The following ADAMTS17 variants were observed in gnomAD, a reference collection of about 807,000 sequenced individuals.
ADAMTS17 encodes ADAM metallopeptidase with thrombospondin type 1 motif 17.
In ADAMTS17, 113 loss-of-function variants were observed where a neutral mutation model predicts 141.5. The observed-to-expected ratio is 0.80, with a 90% confidence interval of 0.69 to 0.93. The LOEUF (loss-of-function observed/expected upper bound fraction) is 0.93. Ranked by LOEUF, ADAMTS17 falls within the 40% of genes least tolerant of loss-of-function variation. The pLI is 0.00. For synonymous variants in ADAMTS17, 768 were observed against 630.6 expected, an observed-to-expected ratio of 1.22 and a Z score of -3.27; for missense variants, 1,659 against 1,517.9, an observed-to-expected ratio of 1.09 and a Z score of -1.54.
chr15:100,190,641 G>A (rs1163702649), intron 8 of ADAMTS17, among the ~76,000 whole-genome samples: 1 of 152,230 alleles, frequency 6.6e-6, no homozygotes, highest in Non-Finnish European at 1.5e-5. Context: ...CAGGTACTTG[G>A]TTTCAAGTTG....
chr15:100,335,156 G>A (rs1220103602), intron 2 of ADAMTS17, among the ~76,000 whole-genome samples: 2 of 152,106 alleles, frequency 1.3e-5, no homozygotes, highest in Admixed American at 6.5e-5. Flanking sequence ...CCTGGATGGG[G>A]CCCAGCAGTC....
At chr15:100,031,759 C>A (rs2030190528) in intron 18 of ADAMTS17, among the ~76,000 whole-genome samples, 1 of 152,248 alleles carries the variant, frequency 6.6e-6, no homozygotes, top group African/African-American at 2.4e-5. Context: ...AAATGACTTA[C>A]TAAGACCTAC....
At chr15:100,001,076 G>A (rs1008068442) in intron 18 of ADAMTS17, among the ~76,000 whole-genome samples, 1 of 152,152 alleles carries the variant, frequency 6.6e-6, no homozygotes, top group African/African-American at 2.4e-5. Context: ...GCTCTTGGAT[G>A]GAGATATGGA....
intron 20 of ADAMTS17, chr15:99,979,625 T>C (rs1273927214): frequency 6.6e-6 from 1 of 152,176 alleles, no homozygotes; most frequent in Non-Finnish European, 1.5e-5. Context: ...TGAAGTCAGA[T>C]ACAACCACGT....
At chr15:100,038,802 T>G (rs2141525656) in intron 18 of ADAMTS17, among the ~76,000 whole-genome samples, 1 of 152,374 alleles carries the variant, frequency 6.6e-6, no homozygotes, top group South Asian at 2.1e-4. Flanking sequence ...TGGATGCATT[T>G]TATTTCATTT....
chr15:100,183,494 GATTT>G (rs772229627), intron 8 of ADAMTS17, among the ~76,000 whole-genome samples: 12 of 152,042 alleles, frequency 7.9e-5, no homozygotes, highest in Admixed American at 2.0e-4. Context: ...AATTTTCATT[GATTT>G]ATTTCTGTAA....
At chr15:100,077,886 A>C (rs980001139) in intron 15 of ADAMTS17, among the ~76,000 whole-genome samples, 1 of 152,236 alleles carries the variant, frequency 6.6e-6, no homozygotes, top group Non-Finnish European at 1.5e-5. Flanking sequence ...TAAAAAACCT[A>C]TATGACAGAT....
chr15:99,974,243 A>T lies in ADAMTS17; in HGVS notation c.*159T>A. The T allele has an allele frequency of 1.2e-6, 1 of 854,526 alleles. No individual in the cohort carries two copies. Among genetic ancestry groups the T allele is most frequent in the Admixed American group, 2.1e-5 (1 of 48,690 alleles). The allele number at this position is 854,526 out of a possible 1,614,324, so 52.9% of individuals were successfully genotyped here. A position where few individuals can be genotyped will look rare whatever the true frequency, so the allele number is the denominator to read the frequency against. ...AGTGGCTGTTAACAATATATTAAGT[A>T]CGGAAGCACTAATGGCAAACGCCAA... On this transcript the variant is annotated 3_prime_UTR_variant, in exon 22 of 22. Coordinates refer to ENST00000268070, the MANE Select transcript of ADAMTS17 (RefSeq NM_139057.4).
At chr15:100,103,196 A>G (rs1248739199) in intron 14 of ADAMTS17, among the ~76,000 whole-genome samples, 1 of 152,086 alleles carries the variant, frequency 6.6e-6, no homozygotes, top group Non-Finnish European at 1.5e-5. Flanking sequence ...GCAGGGAATG[A>G]CCTTCACGTT....
intron 12 of ADAMTS17, among the ~76,000 whole-genome samples, chr15:100,125,937 T>A (rs1039844403): frequency 1.3e-5 from 2 of 149,674 alleles, no homozygotes; most frequent in African/African-American, 4.9e-5. Flanking sequence ...GTGAAGGGGG[T>A]GAGAAGGGGG....
chr15:100,202,055 G>A (rs4525468), intron 7 of ADAMTS17, among the ~76,000 whole-genome samples: 21,934 of 152,180 alleles, frequency 0.14, 1,946 homozygotes, highest in African/African-American at 0.23. Flanking sequence ...TGCCTGGTGA[G>A]GGGGAAGGGA....
chr15:100,341,461 G>A (rs1276422211), intron 1 of ADAMTS17, 52 bp from the exon 2 acceptor site: 1 of 1,006,490 alleles, frequency 9.9e-7, no homozygotes, highest in African/African-American at 1.7e-5. Flanking sequence ...CCGGACGCCC[G>A]CCCTCCCGCT....
At chr15:100,123,921 T>C (rs112457432) in intron 12 of ADAMTS17, among the ~76,000 whole-genome samples, 12 of 152,172 alleles carry the variant, frequency 7.9e-5, no homozygotes, top group African/African-American at 2.9e-4. Flanking sequence ...GATGGGTTTT[T>C]TAATTTGAAT....
At chr15:100,010,840 G>C (rs561437690) in intron 18 of ADAMTS17, among the ~76,000 whole-genome samples, 9 of 152,336 alleles carry the variant, frequency 5.9e-5, no homozygotes, top group African/African-American at 2.2e-4. Context: ...ACAGGCACAC[G>C]TGAGGCTTCC....
intron 10 of ADAMTS17, among the ~76,000 whole-genome samples, chr15:100,149,146 A>C (rs936922722): frequency 6.6e-6 from 1 of 152,174 alleles, no homozygotes; most frequent in Non-Finnish European, 1.5e-5. Flanking sequence ...CTACAAAAGC[A>C]GGGAAGGCGC....
At position 99,973,928 on chromosome 15, in the gene ADAMTS17, G is replaced by GAGAAGCCACGGGCAGAGGC. The variant is rs1284394479; in HGVS notation, c.*455_*473dup. 2 of 238,978 alleles carry GAGAAGCCACGGGCAGAGGC rather than the reference G, an allele frequency of 8.4e-6. No homozygotes were observed. The highest frequency in any genetic ancestry group is 1.0e-4 in the Admixed American group (2 of 19,300). The allele number at this position is 238,978 out of a possible 1,614,324, so 14.8% of individuals were successfully genotyped here. ...GTGCTAAGCAGCCCGGCCCTCCCCA[G>GAGAAGCCACGGGCAGAGGC]AGAAGCCACGGGCAGAGGCTCACCA... On this transcript the variant is annotated 3_prime_UTR_variant, in exon 22 of 22. Coordinates refer to ENST00000268070, the MANE Select transcript of ADAMTS17 (RefSeq NM_139057.4).
intron 16 of ADAMTS17, among the ~76,000 whole-genome samples, chr15:100,051,982 G>C (rs1477495920): frequency 6.6e-6 from 1 of 152,216 alleles, no homozygotes; most frequent in East Asian, 1.9e-4. Flanking sequence ...CCAAGAGAGA[G>C]ACCAGCTTAG....
At chr15:100,233,610 G>A (rs2042560135) in intron 7 of ADAMTS17, among the ~76,000 whole-genome samples, 1 of 152,152 alleles carries the variant, frequency 6.6e-6, no homozygotes, top group African/African-American at 2.4e-5. Context: ...TGAAGATGCT[G>A]GGTCTGTGTT....
rs370827483 is a variant in ADAMTS17 at position 100,254,112 on chromosome 15, T to G, written c.1075+24A>C. ...TCCCAGGGTGTATCAGCCCCTTAGA[T>G]TATTATTTCAACTCTAAACTTACCA... is the stretch of plus-strand genomic sequence containing the variant. On this transcript the variant is annotated intron_variant, in intron 7 of 21. Coordinates refer to ENST00000268070, the MANE Select transcript of ADAMTS17 (RefSeq NM_139057.4). 14 of 1,607,912 alleles carry G rather than the reference T, an allele frequency of 8.7e-6. No individual in the cohort carries two copies. In the African/African-American group the frequency reaches 1.9e-4, roughly 22 times the overall value.
Sources: allele counts gnomAD v4.1 joint callset (sites outside exome capture counted in the v4.1 genomes callset), GRCh38; gene constraint gnomAD v4.1.1; transcripts MANE v1.5; gene names NCBI Gene and HGNC (gene_info 2026-07-23, HGNC 2026-07-21).